Variants in RSRC2 observed in about 807,000 individuals in gnomAD.
RSRC2 encodes the protein arginine/serine-rich coiled-coil protein 2.
RSRC2 carries 5 observed loss-of-function variants against 61.3 expected under a neutral mutation model. The observed-to-expected ratio is 0.08, with a 90% CI of 0.04 to 0.17. The LOEUF (loss-of-function observed/expected upper bound fraction) is 0.17. RSRC2 is among the 10% of genes least tolerant of loss of function. The pLI is 1.00. For missense variants in RSRC2, 381 were observed against 518.8 expected, an observed-to-expected ratio of 0.73 and a Z score of 2.58; for synonymous variants, 202 against 166.5, an observed-to-expected ratio of 1.21 and a Z score of -1.64.
Position 122,515,044 on chromosome 12 carries a change from C to T in RSRC2, c.725+61G>A, listed in dbSNP as rs547301214. 1.6e-4 allele frequency: 252 copies of T among 1,544,938 alleles called. 1 individual carries two copies. In the African/African-American group the frequency reaches 3.1e-3, roughly 19 times the overall value. On this transcript the variant is annotated intron_variant, in intron 6 of 9. Transcript: ENST00000331738. ...TCTTACTGAAAGAATTCATCTTATC[C>T]ACACAATTGAGCATTTATTTAAAGG... is the stretch of plus-strand genomic sequence containing the variant.
rs190986922 is a variant in RSRC2 at position 122,504,073 on chromosome 12, C to T, written c.*1454G>A. ...GAAAGCAAAAAAAAAGAAAACACCC[C>T]ATTACTTCATTTTCATGTATAAAAA... On this transcript the variant is annotated 3_prime_UTR_variant, in exon 10 of 10. Transcript: ENST00000331738. 11 of 152,146 alleles carry T rather than the reference C, an allele frequency of 7.2e-5. No individual in the cohort carries two copies. Among genetic ancestry groups the T allele is most frequent in the Non-Finnish European group, 1.2e-4 (8 of 67,994 alleles). The allele number at this position is 152,146 out of a possible 1,614,324, so 9.4% of individuals were successfully genotyped here.
intron 3 of RSRC2, chr12:122,519,944 A>C (rs1959173842): frequency 6.5e-6 from 1 of 152,834 alleles, no homozygotes. Flanking sequence ...TGAATCACTA[A>C]ATTTTAATTC....
In RSRC2 at chr12:122,503,534, A is replaced by G. The variant is rs184008349; in HGVS notation, c.*1993T>C. On this transcript the variant is annotated 3_prime_UTR_variant, in exon 10 of 10. Coordinates refer to ENST00000331738, the MANE Select transcript of RSRC2 (RefSeq NM_023012.6). The stretch of plus-strand genomic sequence containing the variant: ...GCTGTATCACTCATCATGTATGGTC[A>G]GCTCCTAAAATAACTGTAGACACAC... The G allele has an allele frequency of 2.0e-5, 3 of 152,352 alleles. No homozygotes were observed. The highest frequency in any genetic ancestry group is 1.3e-4 in the Admixed American group (2 of 15,308). 9.4% of individuals were successfully genotyped at this position (152,352 alleles called of 1,614,324 possible).
chr12:122,515,826 C>CA (rs1958870115), intron 5 of RSRC2, among the ~76,000 whole-genome samples: 1 of 152,020 alleles, frequency 6.6e-6, no homozygotes, highest in Non-Finnish European at 1.5e-5. Context: ...CCCGTCTCTA[C>CA]AAAAACACAA....
At chr12:122,511,541 A>G (rs1958507063) in intron 6 of RSRC2, among the ~76,000 whole-genome samples, 1 of 152,242 alleles carries the variant, frequency 6.6e-6, no homozygotes. Flanking sequence ...ATAAATTTAT[A>G]GAATTATCTA....
At chr12:122,514,608 T>A (rs118115309) in intron 6 of RSRC2, 11,904 of 1,020,334 alleles carry the variant, frequency 0.012, 95 homozygotes, top group Admixed American at 0.016. Context: ...AGTTCTCCCA[T>A]AGTTACCAGG....
At chr12:122,505,955 T>G (rs1312945125) in intron 9 of RSRC2, among the ~76,000 whole-genome samples, 1 of 152,108 alleles carries the variant, frequency 6.6e-6, no homozygotes, top group African/African-American at 2.4e-5. Context: ...ATTTTTGTAT[T>G]TTCAGTAGAG....
Position 122,518,939 on chromosome 12 carries a change from C to T in RSRC2, c.298G>A (p.Glu100Lys), listed in dbSNP as rs781065495. The change falls in exon 4 of 10, where the codon GAG becomes AAG. Residue 100 changes from glutamate to lysine, a missense_variant. Around this residue, in one of 4 missense-constraint regions of RSRC2, gnomAD observed 266 missense variants for 270.5 expected, o/e 0.98. Coordinates refer to ENST00000331738, the MANE Select transcript of RSRC2 (RefSeq NM_023012.6). The stretch of plus-strand genomic sequence containing the variant: ...CCATTTTCAGATGAATTTAGTCGCT[C>T]TCTTCCTTTATCAGAAGAATGTTCT... ...DKEHSSDKGR[E>K]RLNSSENGED... The T allele has an allele frequency of 2.5e-6, 4 of 1,614,040 alleles. No homozygotes were observed. Among genetic ancestry groups the T allele is most frequent in the Non-Finnish European group, 3.4e-6 (4 of 1,179,934 alleles).
rs1034475467 is a variant in RSRC2 at position 122,504,203 on chromosome 12, T to C, written c.*1324A>G. On this transcript the variant is annotated 3_prime_UTR_variant, in exon 10 of 10. Transcript: ENST00000331738. ...CTGATTGTAATGTGCTCTCATTCTGTGATGTTTTCCAAAGGATTTTTCAAA... is the reference window on the plus strand; with the variant it reads ...CTGATTGTAATGTGCTCTCATTCTGCGATGTTTTCCAAAGGATTTTTCAAA... 1 of 152,124 alleles carries C rather than the reference T, an allele frequency of 6.6e-6. No individual in the cohort carries two copies. Among genetic ancestry groups the C allele is most frequent in the Admixed American group, 6.6e-5 (1 of 15,246 alleles). 9.4% of individuals were successfully genotyped at this position (152,124 alleles called of 1,614,324 possible). A position where few individuals can be genotyped will look rare whatever the true frequency, so the allele number is the denominator to read the frequency against.
chr12:122,508,373 C>T lies in RSRC2; in HGVS notation c.880G>A (p.Ala294Thr). ...AGGGCTGCCATCTGAGCTGCCATGG[C>T]TATCTGAGGTGTTACTTGTGTTCCT... ...ASGTQVTPQI[A>T]MAAQMAALQA... Residue 294 changes from alanine to threonine, a missense_variant, in exon 8 of 10, where the codon GCC becomes ACC. Physicochemically the swap from Ala to Thr is moderately conservative, Grantham distance 58. Around this residue, in one of 4 missense-constraint regions of RSRC2, gnomAD observed 78 missense variants for 183.0 expected, o/e 0.43. Coordinates refer to ENST00000331738, the MANE Select transcript of RSRC2 (RefSeq NM_023012.6). The T allele has an allele frequency of 6.2e-7, 1 of 1,614,186 alleles. No individual in the cohort carries two copies. The highest frequency in any genetic ancestry group is 1.3e-5 in the African/African-American group (1 of 75,040).
rs754277972 is a variant in RSRC2, at chr12:122,522,205, C to T, written c.101G>A (p.Arg34Lys). 6.2e-7 allele frequency: 1 copy of T among 1,614,026 alleles called. No individual in the cohort carries two copies. Among genetic ancestry groups the T allele is most frequent in the Non-Finnish European group, 8.5e-7 (1 of 1,179,968 alleles). ...TCTTGAATAATGATGTTTTGAAGCTCTAGGAGAAACAGATACTTCTGACTG... is the reference window on the plus strand; with the variant it reads ...TCTTGAATAATGATGTTTTGAAGCTTTAGGAGAAACAGATACTTCTGACTG... Reference protein sequence around the residue: ...KEQSEVSVSPRASKHHYSRSR... With the variant: ...KEQSEVSVSPKASKHHYSRSR... The change falls in exon 2 of 10, where the codon AGA (arginine) becomes AAA (lysine). Residue 34 changes from arginine to lysine, a missense_variant. This residue lies in a region of RSRC2 where 266 missense variants were observed against 270.5 expected (regional missense o/e 0.98). Coordinates refer to ENST00000331738, the MANE Select transcript of RSRC2 (RefSeq NM_023012.6).
rs1384471132 is a variant in RSRC2 at position 122,521,447 on chromosome 12, AAT to A, written c.164-21_164-20del. On this transcript the variant is annotated intron_variant, in intron 2 of 9. Transcript: ENST00000331738. ...TCATTATCTGTGAATACACAAAAAA[AAT>A]AATCACCATAAACAAAGTTGGAGAA... 6.2e-7 allele frequency: 1 copy of A among 1,606,734 alleles called. No homozygotes were observed. Among genetic ancestry groups the A allele is most frequent in the Non-Finnish European group, 8.5e-7 (1 of 1,173,776 alleles).
intron 3 of RSRC2, chr12:122,520,105 C>T (rs751767020): frequency 5.3e-6 from 1 of 187,192 alleles, no homozygotes; most frequent in Non-Finnish European, 1.1e-5. Flanking sequence ...ACACTACTGT[C>T]TCCCAAAAGG....
At position 122,525,988 on chromosome 12, in the gene RSRC2, A is replaced by AT. The variant is rs1390719212; in HGVS notation, c.6+859dup. Among the ~76,000 whole-genome samples, 2 of 38,814 alleles carry AT rather than the reference A, an allele frequency of 5.2e-5. 1 individual carries two copies. The highest frequency in any genetic ancestry group is 9.0e-5 in the Non-Finnish European group (2 of 22,342). 25.5% of individuals were successfully genotyped at this position (38,814 alleles called of 152,430 possible). A position where few individuals can be genotyped will look rare whatever the true frequency, so the allele number is the denominator to read the frequency against. On this transcript the variant is annotated intron_variant, in intron 1 of 9. Transcript: ENST00000331738. ...AGGCGTCCGCCACTACGCCCGGCTA[A>AT]TTTTTTTGTATTTTTAGTAGAGACA... is the stretch of plus-strand genomic sequence containing the variant.
rs1474019986 is a variant in RSRC2, at chr12:122,506,900, T to C, written c.1059A>G (p.Ile353Met). ...TGTTTCCAAAATTCAATTTTTCCCATATTTCAGCAGATTGGGATTTGTCCT... is the reference window on the plus strand; with the variant it reads ...TGTTTCCAAAATTCAATTTTTCCCACATTTCAGCAGATTGGGATTTGTCCT... ...KEGDKSQSAE[I>M]WEKLNFGNKD... Residue 353 changes from isoleucine to methionine, a missense_variant, in exon 9 of 10, where the codon ATA (isoleucine) becomes ATG (methionine). Coordinates refer to ENST00000331738, the MANE Select transcript of RSRC2 (RefSeq NM_023012.6). 9 of 1,606,876 alleles carry C rather than the reference T, an allele frequency of 5.6e-6. No individual in the cohort carries two copies. Among genetic ancestry groups the C allele is most frequent in the Non-Finnish European group, 7.7e-6 (9 of 1,173,668 alleles).
rs2137509696 is a variant in RSRC2, at chr12:122,517,440, A to T, written c.399-10T>A. The T allele has an allele frequency of 6.2e-7, 1 of 1,614,004 alleles. No individual in the cohort carries two copies. Among genetic ancestry groups the T allele is most frequent in the South Asian group, 1.1e-5 (1 of 91,078 alleles). ...TCTACTACGATGGCGTCTGAAATTA[A>T]AGTGCACAAATTTGTAATTACTTAA... On this transcript the variant is annotated splice_polypyrimidine_tract_variant and intron_variant, in intron 4 of 9. Transcript: ENST00000331738.
At chr12:122,526,763 C>A (rs1388899876) in intron 1 of RSRC2, 85 bp downstream of exon 1, 2 of 1,508,450 alleles carry the variant, frequency 1.3e-6, no homozygotes, top group Admixed American at 1.7e-5. Flanking sequence ...CACATACACA[C>A]GAACAAGGTT....
intron 9 of RSRC2, 32 bp downstream of exon 9, chr12:122,506,802 T>C (rs766416106): frequency 7.0e-6 from 9 of 1,294,694 alleles, no homozygotes; most frequent in South Asian, 1.2e-5. Context: ...TAATAGCTAA[T>C]ACAAAGATCC....
intron 7 of RSRC2, 133 bp downstream of exon 7, chr12:122,510,976 G>T (rs938934292): frequency 8.0e-6 from 5 of 627,924 alleles, no homozygotes; most frequent in Non-Finnish European, 1.4e-5. Context: ...TTGAGCCTGG[G>T]AGTTTGAGGC....
Sources: gnomAD v4.1 joint callset for allele counts (sites outside exome capture counted in the v4.1 genomes callset) on GRCh38, gnomAD v4.1.1 for gene constraint, gnomAD v4.1.1 regional missense constraint, MANE v1.5 for transcripts, NCBI Gene and HGNC (gene_info 2026-07-23, HGNC 2026-07-21) for gene names.